Variants in RAB7A observed in about 807,000 individuals in gnomAD.
RAB7A encodes ras-related protein Rab-7a.
A neutral mutation model predicts 24.5 loss-of-function variants in RAB7A; 2 were observed. The ratio of observed to expected loss-of-function variants is 0.08; its 90% CI spans 0.03 to 0.26. RAB7A has a LOEUF of 0.26. RAB7A is among the 10% of genes least tolerant of loss of function. The pLI is 1.00. For synonymous variants in RAB7A, 100 were observed against 95.9 expected, an observed-to-expected ratio of 1.04 and a Z score of -0.25; for missense variants, 118 against 255.7, an observed-to-expected ratio of 0.46 and a Z score of 3.67.
intron 1 of RAB7A, among the ~76,000 whole-genome samples, chr3:128,741,931 C>G (rs1281077077): frequency 6.6e-6 from 1 of 152,112 alleles, no homozygotes; most frequent in African/African-American, 2.4e-5. Context: ...AGGCGATCCT[C>G]CCACCTCAGC....
chr3:128,736,308 G>A (rs1459757861), intron 1 of RAB7A, among the ~76,000 whole-genome samples: 3 of 152,020 alleles, frequency 2.0e-5, no homozygotes, highest in Non-Finnish European at 4.4e-5. Flanking sequence ...CATCTTCTGC[G>A]GAAGAACAGC....
At chr3:128,754,766 CAA>C (rs2070715599) in intron 1 of RAB7A, among the ~76,000 whole-genome samples, 1 of 152,042 alleles carries the variant, frequency 6.6e-6, no homozygotes, top group Non-Finnish European at 1.5e-5. Context: ...TAATATCAGA[CAA>C]AATATACTTT....
chr3:128,729,337 G>A lies in RAB7A; in HGVS notation c.-9+2978G>A, dbSNP rs553727577. Among the ~76,000 whole-genome samples, 436 of 152,238 alleles carry A rather than the reference G, an allele frequency of 2.9e-3. 1 individual carries two copies. The highest frequency in any genetic ancestry group is 9.6e-3 in the African/African-American group (398 of 41,544). The stretch of plus-strand genomic sequence containing the variant: ...TGTAATCCCAGCACTTTGGGAGGCC[G>A]AGGCAGGTGGATCATGAGGTCAGGA... On this transcript the variant is annotated intron_variant, in intron 1 of 5. Transcript: ENST00000265062.
At chr3:128,760,135 G>T (rs1318598672) in intron 1 of RAB7A, among the ~76,000 whole-genome samples, 1 of 152,144 alleles carries the variant, frequency 6.6e-6, no homozygotes, top group Non-Finnish European at 1.5e-5. Flanking sequence ...GAAGGTGGCT[G>T]CCCTCCCCAG....
At chr3:128,739,922 C>T (rs979878147) in intron 1 of RAB7A, among the ~76,000 whole-genome samples, 3 of 151,896 alleles carry the variant, frequency 2.0e-5, no homozygotes, top group Non-Finnish European at 4.4e-5. Flanking sequence ...CAAAATTAGC[C>T]GGGCATGGTG....
rs1576300639 is a variant in RAB7A, at chr3:128,799,300, G to A, written c.180+1231G>A. On this transcript the variant is annotated intron_variant, in intron 3 of 5. Transcript: ENST00000265062. The stretch of plus-strand genomic sequence containing the variant: ...TTCCGAATCATGTGCTGCTCTTACA[G>A]ACTTGTGTTGGTGGATATGTCTCTG... 2.0e-5 allele frequency: 3 copies of A among 151,182 alleles called. 1 individual carries two copies. The highest frequency in any genetic ancestry group is 4.2e-4 in the South Asian group (2 of 4,800). 9.4% of individuals were successfully genotyped at this position (151,182 alleles called of 1,614,324 possible). A position where few individuals can be genotyped will look rare whatever the true frequency, so the allele number is the denominator to read the frequency against.
chr3:128,764,327 A>T, intron 1 of RAB7A: 1 of 568,502 alleles, frequency 1.8e-6, no homozygotes, highest in Non-Finnish European at 3.1e-6. Context: ...TCTTTATTTG[A>T]AGGAATGGTA....
chr3:128,750,463 T>C (rs1294610031), intron 1 of RAB7A, among the ~76,000 whole-genome samples: 1 of 152,144 alleles, frequency 6.6e-6, no homozygotes, highest in African/African-American at 2.4e-5. Context: ...GTTTTCACCA[T>C]GTTGGCCAGG....
chr3:128,808,077 C>T (rs1281584155), intron 5 of RAB7A, among the ~76,000 whole-genome samples: 4 of 152,128 alleles, frequency 2.6e-5, no homozygotes, highest in African/African-American at 9.7e-5. Flanking sequence ...AAAATTATGG[C>T]CGGGCACTGT....
chr3:128,777,821 A>G (rs1175225420), intron 1 of RAB7A, among the ~76,000 whole-genome samples: 2 of 152,164 alleles, frequency 1.3e-5, no homozygotes, highest in South Asian at 2.1e-4. Context: ...TCCCGGGTTC[A>G]AGCGATTCTC....
chr3:128,802,509 G>T (rs9882563), intron 3 of RAB7A, among the ~76,000 whole-genome samples: 41,328 of 151,208 alleles, frequency 0.27, 7,261 homozygotes, highest in African/African-American at 0.49. Flanking sequence ...ATGTATGTAT[G>T]TATTTATTTA....
Position 128,743,792 on chromosome 3 carries a change from C to CT in RAB7A, c.-9+17448dup, listed in dbSNP as rs35973437. Among the ~76,000 whole-genome samples the CT allele has an allele frequency of 3.1e-3, 440 of 141,162 alleles. 1 individual carries two copies. The highest frequency in any genetic ancestry group is 8.5e-3 in the Admixed American group (120 of 14,066). 92.6% of individuals were successfully genotyped at this position (141,162 alleles called of 152,430 possible). On this transcript the variant is annotated intron_variant, in intron 1 of 5. Coordinates refer to ENST00000265062, the MANE Select transcript of RAB7A (RefSeq NM_004637.6). ...ACATGACAAAATAATTTCTCTCTCT[C>CT]TTTTTTTTTTTTTTTCTGAGACAGT... is the stretch of plus-strand genomic sequence containing the variant.
At chr3:128,741,877 G>A (rs1024773319) in intron 1 of RAB7A, among the ~76,000 whole-genome samples, 7 of 151,898 alleles carry the variant, frequency 4.6e-5, no homozygotes, top group African/African-American at 1.5e-4. Context: ...ATAGTAGTGC[G>A]ATCATGACTC....
intron 1 of RAB7A, among the ~76,000 whole-genome samples, chr3:128,754,718 C>T (rs1409691999): frequency 3.3e-5 from 5 of 152,130 alleles, no homozygotes; most frequent in Non-Finnish European, 7.4e-5. Context: ...AAGATACTCT[C>T]TTCATATAGT....
At chr3:128,795,139 G>A in intron 1 of RAB7A, 1 of 589,136 alleles carries the variant, frequency 1.7e-6, no homozygotes, top group South Asian at 2.0e-5. Flanking sequence ...ACAGCTTGCA[G>A]GGGCAGGATG....
At chr3:128,746,453 A>G (rs562708120) in intron 1 of RAB7A, among the ~76,000 whole-genome samples, 1 of 152,112 alleles carries the variant, frequency 6.6e-6, no homozygotes, top group South Asian at 2.1e-4. Context: ...TATTTTTTGT[A>G]GAGATGCGGT....
intron 1 of RAB7A, among the ~76,000 whole-genome samples, chr3:128,760,768 T>C (rs987926624): frequency 5.3e-5 from 8 of 152,216 alleles, no homozygotes; most frequent in African/African-American, 1.9e-4. Flanking sequence ...CATATGGAAC[T>C]AGTGTAGGCC....
intron 5 of RAB7A, among the ~76,000 whole-genome samples, chr3:128,811,025 GC>G (rs1253011225): frequency 1.3e-5 from 2 of 151,726 alleles, no homozygotes; most frequent in African/African-American, 4.8e-5. Context: ...TTGCACTCCA[GC>G]CTGGGCAACA....
intron 1 of RAB7A, among the ~76,000 whole-genome samples, chr3:128,730,321 C>G (rs1295807979): frequency 6.6e-6 from 1 of 151,974 alleles, no homozygotes; most frequent in South Asian, 2.1e-4. Flanking sequence ...GCTCCACCTT[C>G]CAGATTCATG....
Sources: gnomAD v4.1 joint callset for allele counts (sites outside exome capture counted in the v4.1 genomes callset) on GRCh38, gnomAD v4.1.1 for gene constraint, MANE v1.5 for transcripts, NCBI Gene and HGNC (gene_info 2026-07-23, HGNC 2026-07-21) for gene names.